The following SNED1 variants were observed in gnomAD, a reference collection of about 807,000 sequenced individuals.
SNED1 encodes the protein sushi, nidogen and EGF like domains 1.
In SNED1, 81 loss-of-function variants were observed where a neutral mutation model predicts 166.7. The ratio of observed to expected loss-of-function variants is 0.49; its 90% CI spans 0.41 to 0.58. The LOEUF (loss-of-function observed/expected upper bound fraction) is 0.58, where lower values mean the gene tolerates loss of function less well. SNED1 is among the 20% of genes least tolerant of loss of function. The probability of loss-of-function intolerance (pLI) is 0.00; values close to 1 mark genes in which losing one functional copy is unlikely to be tolerated. For synonymous variants in SNED1, 762 were observed against 822.0 expected (o/e 0.93, Z 1.25); for missense variants, 1,604 against 2,000.2 (o/e 0.80, Z 3.78).
chr2:241,044,674 A>G (rs547390547), intron 8 of SNED1, among the ~76,000 whole-genome samples: 1 of 152,372 alleles, frequency 6.6e-6, no homozygotes, highest in African/African-American at 2.4e-5. Context: ...AGCAGGGCTG[A>G]CAGTGCAGAA....
Position 241,033,830 on chromosome 2 carries a change from C to T in SNED1, c.597C>T (p.Ala199=). The T allele has an allele frequency of 6.2e-7, 1 of 1,609,688 alleles. No homozygotes were observed. Among genetic ancestry groups the T allele is most frequent in the Non-Finnish European group, 8.5e-7 (1 of 1,178,652 alleles). The change falls in exon 3 of 32, where the codon GCC becomes GCT. Residue 199 remains alanine (A), a synonymous_variant. Coordinates refer to ENST00000310397, the MANE Select transcript of SNED1 (RefSeq NM_001080437.3). ...TCGTGTGGACCACAGGCACACACGC[C>T]AGCAGCGGGGGCAACGCCACTGGCC... ...ESIVWTTGTH[A]SSGGNATGLG...
At chr2:241,077,367 T>C (rs1038451409) in intron 27 of SNED1, among the ~76,000 whole-genome samples, 1 of 152,014 alleles carries the variant, frequency 6.6e-6, no homozygotes, top group Non-Finnish European at 1.5e-5. Flanking sequence ...ATCATGAGGG[T>C]CCTTAGGCTC....
chr2:241,084,611 C>G (rs1280617061), intron 29 of SNED1, among the ~76,000 whole-genome samples: 1 of 152,202 alleles, frequency 6.6e-6, no homozygotes, highest in East Asian at 1.9e-4. Flanking sequence ...TCCACATATG[C>G]TGTGAACTGC....
intron 1 of SNED1, among the ~76,000 whole-genome samples, chr2:241,008,787 A>C (rs2060298877): frequency 6.6e-6 from 1 of 152,236 alleles, no homozygotes; most frequent in Non-Finnish European, 1.5e-5. Flanking sequence ...TCTGCGGGCC[A>C]GTCAGGGAGC....
At chr2:241,043,168 A>G (rs1235628694) in intron 8 of SNED1, among the ~76,000 whole-genome samples, 1 of 152,274 alleles carries the variant, frequency 6.6e-6, no homozygotes, top group African/African-American at 2.4e-5. Flanking sequence ...GATGAAAACT[A>G]AAACCCACAT....
chr2:241,090,010 C>A, intron 31 of SNED1: 1 of 1,549,018 alleles, frequency 6.5e-7, no homozygotes, highest in South Asian at 1.2e-5. Context: ...AGCTGGAATG[C>A]GCAGGACTGG....
intron 10 of SNED1, 34 bp from the exon 11 acceptor site, chr2:241,048,988 G>C: frequency 6.4e-7 from 1 of 1,552,628 alleles, no homozygotes; most frequent in East Asian, 2.3e-5. Flanking sequence ...AAGACATGTG[G>C]AATATGGGAT....
At chr2:241,023,886 T>C (rs2060846230) in intron 1 of SNED1, among the ~76,000 whole-genome samples, 1 of 104,346 alleles carries the variant, frequency 9.6e-6, no homozygotes, top group Non-Finnish European at 1.8e-5. Flanking sequence ...TCTTTTTTTT[T>C]CCTTTTTTTT....
At position 241,093,602 on chromosome 2, in the gene SNED1, C is replaced by T. The variant is rs956572394; in HGVS notation, c.*1966C>T. 4 of 150,620 alleles carry T rather than the reference C, an allele frequency of 2.7e-5. No homozygotes were observed. The highest frequency in any genetic ancestry group is 9.9e-5 in the African/African-American group (4 of 40,520). 9.3% of individuals were successfully genotyped at this position (150,620 alleles called of 1,614,324 possible). The stretch of plus-strand genomic sequence containing the variant: ...CAAGCTTGGTGCCACACAGCAAATG[C>T]TAATATGCTCCAGTGTTAGCTTAGA... On this transcript the variant is annotated 3_prime_UTR_variant, in exon 32 of 32. Coordinates refer to ENST00000310397, the MANE Select transcript of SNED1 (RefSeq NM_001080437.3).
At chr2:241,033,326 G>T (rs1455879438) in intron 2 of SNED1, among the ~76,000 whole-genome samples, 3 of 152,240 alleles carry the variant, frequency 2.0e-5, no homozygotes, top group East Asian at 1.9e-4. Flanking sequence ...AAACCATAAG[G>T]CCTGACTGTT....
At position 241,030,353 on chromosome 2, in the gene SNED1, G is replaced by A; in HGVS notation, c.283G>A (p.Ala95Thr). The A allele has an allele frequency of 6.2e-7, 1 of 1,610,114 alleles. No homozygotes were observed. The highest frequency in any genetic ancestry group is 1.1e-5 in the South Asian group (1 of 90,192). Residue 95 changes from alanine to threonine, a missense_variant, in exon 2 of 32, where the codon GCC becomes ACC. By Grantham distance (58) the Ala-to-Thr change is moderately conservative. Coordinates refer to ENST00000310397, the MANE Select transcript of SNED1 (RefSeq NM_001080437.3). ...SQFTPVAFPIAKDRCVVAAFW... is the reference protein window; with the variant it reads ...SQFTPVAFPITKDRCVVAAFW... ...GTTCACCCCAGTGGCCTTCCCCATT[G>A]CCAAGGACCGCTGCGTGGTGGCAGC...
At chr2:241,016,517 T>G (rs1028026629) in intron 1 of SNED1, among the ~76,000 whole-genome samples, 2 of 152,166 alleles carry the variant, frequency 1.3e-5, no homozygotes, top group African/African-American at 4.8e-5. Context: ...ATTTATCCTC[T>G]TTGTATATTG....
chr2:241,006,068 A>T (rs1478602735), intron 1 of SNED1, among the ~76,000 whole-genome samples: 1 of 152,200 alleles, frequency 6.6e-6, no homozygotes, highest in African/African-American at 2.4e-5. Context: ...GAGAATGAGA[A>T]TGAGGCTTTG....
At position 241,080,997 on chromosome 2, in the gene SNED1, C is replaced by T. The variant is rs1409296502; in HGVS notation, c.3917-680C>T. 2.0e-5 allele frequency among the ~76,000 whole-genome samples: 3 copies of T among 152,240 alleles called. No individual in the cohort carries two copies. In the East Asian group the frequency reaches 5.8e-4, roughly 29 times the overall value. ...CAGGGATCTCGATGTCTTGCTCGAG[C>T]CATCAGGTGCAAGGCCCGTGGGGAC... is the stretch of plus-strand genomic sequence containing the variant. On this transcript the variant is annotated intron_variant, in intron 27 of 31. Coordinates refer to ENST00000310397, the MANE Select transcript of SNED1 (RefSeq NM_001080437.3).
At chr2:241,052,978 G>A (rs1351157759) in intron 15 of SNED1, among the ~76,000 whole-genome samples, 175 bp from the exon 16 acceptor site, 2 of 152,160 alleles carry the variant, frequency 1.3e-5, no homozygotes, top group Non-Finnish European at 2.9e-5. Flanking sequence ...GGAATGGGAA[G>A]AAGGAAACGT....
chr2:241,022,583 A>G (rs2060805500), intron 1 of SNED1, among the ~76,000 whole-genome samples: 1 of 152,164 alleles, frequency 6.6e-6, no homozygotes, highest in African/African-American at 2.4e-5. Context: ...CTTCATCAAC[A>G]GGTAGGATAT....
At chr2:241,077,641 T>TGAC (rs1191499015) in intron 27 of SNED1, among the ~76,000 whole-genome samples, 2 of 152,072 alleles carry the variant, frequency 1.3e-5, no homozygotes, top group Non-Finnish European at 2.9e-5. Flanking sequence ...TAAAGAGCTC[T>TGAC]GACAACTAAA....
intron 1 of SNED1, among the ~76,000 whole-genome samples, chr2:241,025,123 G>A (rs536191001): frequency 6.6e-6 from 1 of 152,168 alleles, no homozygotes; most frequent in Non-Finnish European, 1.5e-5. Flanking sequence ...GCAGGAGAGT[G>A]AGCATTACCA....
At position 241,033,861 on chromosome 2, in the gene SNED1, G is replaced by A. The variant is rs928825107; in HGVS notation, c.628G>A (p.Gly210Ser). 2 of 1,604,062 alleles carry A rather than the reference G, an allele frequency of 1.2e-6. No homozygotes were observed. Among genetic ancestry groups the A allele is most frequent in the African/African-American group, 1.3e-5 (1 of 74,798 alleles). ...SSGGNATGLG[G>S]IAAQAGFNAG... ...CGGGGGCAACGCCACTGGCCTCGGG[G>A]GCATCGCAGCCCAGGTAGGCGAGTG... The change falls in exon 3 of 32, where the codon GGC becomes AGC. Residue 210 changes from glycine to serine, a missense_variant. Physicochemically the swap from Gly to Ser is moderately conservative, Grantham distance 56 (BLOSUM62 0). This residue lies in a region of SNED1 where 1,237 missense variants were observed against 1,620.8 expected (regional missense o/e 0.76). Coordinates refer to ENST00000310397, the MANE Select transcript of SNED1 (RefSeq NM_001080437.3).
Sources: allele counts gnomAD v4.1 joint callset (sites outside exome capture counted in the v4.1 genomes callset), GRCh38; gene constraint gnomAD v4.1.1; regional missense constraint gnomAD v4.1.1; transcripts MANE v1.5; gene names NCBI Gene and HGNC (gene_info 2026-07-23, HGNC 2026-07-21).